Variants in SUMF1 observed in about 807,000 individuals in gnomAD.
SUMF1 encodes formylglycine-generating enzyme.
In SUMF1, 48 loss-of-function variants were observed where a neutral mutation model predicts 47.6. The ratio of observed to expected loss-of-function variants is 1.01; its 90% CI spans 0.80 to 1.28. The LOEUF is 1.28. Among genes scored for constraint, SUMF1 ranks in the 50% most tolerant of loss-of-function variants. The probability of loss-of-function intolerance (pLI) is 0.00; values close to 1 mark genes in which losing one functional copy is unlikely to be tolerated. For synonymous variants in SUMF1, 230 were observed against 192.1 expected (o/e 1.20, Z -1.63); for missense variants, 571 against 485.4 (o/e 1.18, Z -1.66).
chr3:4,327,974 G>T (rs890500884), intron 8 of SUMF1, among the ~76,000 whole-genome samples: 9 of 152,172 alleles, frequency 5.9e-5, no homozygotes, highest in Admixed American at 5.9e-4. Flanking sequence ...TCAACACTTT[G>T]GGAAGCCAAA....
chr3:4,235,764 T>C (rs1221854406), intron 8 of SUMF1, among the ~76,000 whole-genome samples: 4 of 152,008 alleles, frequency 2.6e-5, no homozygotes, highest in Non-Finnish European at 5.9e-5. Context: ...CTGATATTTT[T>C]TATGCATAAG....
downstream of SUMF1, among the ~76,000 whole-genome samples, chr3:4,359,196 T>C (rs575933762): frequency 3.9e-5 from 6 of 152,344 alleles, no homozygotes; most frequent in Middle Eastern, 6.8e-3. Context: ...GTAGTGACTA[T>C]AGCTATCCAT....
chr3:4,400,010 A>G (rs1000037108), intron 7 of SUMF1, among the ~76,000 whole-genome samples: 9 of 152,138 alleles, frequency 5.9e-5, no homozygotes, highest in Non-Finnish European at 8.8e-5. Context: ...AGATGCTGGG[A>G]TTACAGGCGT....
intron 8 of SUMF1, among the ~76,000 whole-genome samples, chr3:4,200,174 A>ATTT (rs35851983): frequency 5.6e-5 from 7 of 125,880 alleles, no homozygotes; most frequent in South Asian, 2.6e-4. Context: ...AAGCATCAAG[A>ATTT]TTTTTTTTTT....
At chr3:4,251,923 T>A (rs956095911) in intron 8 of SUMF1, among the ~76,000 whole-genome samples, 1 of 152,172 alleles carries the variant, frequency 6.6e-6, no homozygotes, top group South Asian at 2.1e-4. Flanking sequence ...ATTTCACACT[T>A]AACAGACCTA....
intron 8 of SUMF1, among the ~76,000 whole-genome samples, chr3:4,085,094 C>T (rs1692643680): frequency 6.6e-6 from 1 of 152,104 alleles, no homozygotes; most frequent in East Asian, 1.9e-4. Context: ...AGGGGTGGGC[C>T]AACCATTCAG....
chr3:4,135,783 G>C (rs1037322542), intron 8 of SUMF1, among the ~76,000 whole-genome samples: 2 of 152,094 alleles, frequency 1.3e-5, no homozygotes, highest in African/African-American at 4.8e-5. Context: ...AACATCTCAG[G>C]ATACAAAATC....
At chr3:4,373,919 T>A (rs1004660573) in intron 8 of SUMF1, among the ~76,000 whole-genome samples, 2 of 152,020 alleles carry the variant, frequency 1.3e-5, no homozygotes, top group Non-Finnish European at 1.5e-5. Flanking sequence ...TATGAACAGA[T>A]AGAAAAAGCA....
At chr3:4,126,356 C>T (rs1470023877) in intron 8 of SUMF1, among the ~76,000 whole-genome samples, 1 of 151,756 alleles carries the variant, frequency 6.6e-6, no homozygotes, top group Non-Finnish European at 1.5e-5. Flanking sequence ...TTAGCTTTTC[C>T]TCTTTCTTCT....
At chr3:4,076,787 C>G (rs1692446864) in intron 8 of SUMF1, among the ~76,000 whole-genome samples, 1 of 152,068 alleles carries the variant, frequency 6.6e-6, no homozygotes. Flanking sequence ...ATCAGGAGGT[C>G]AGGAGATCCA....
At chr3:4,285,543 T>C (rs1254642706) in intron 8 of SUMF1, among the ~76,000 whole-genome samples, 2 of 152,178 alleles carry the variant, frequency 1.3e-5, no homozygotes, top group African/African-American at 4.8e-5. Flanking sequence ...AAGATTAATC[T>C]CTCTACATGA....
chr3:4,320,339 T>C (rs1194967895), intron 8 of SUMF1, among the ~76,000 whole-genome samples: 1 of 152,212 alleles, frequency 6.6e-6, no homozygotes, highest in Non-Finnish European at 1.5e-5. Flanking sequence ...TCCTAGTTGA[T>C]ACAAGTTGTT....
chr3:4,316,089 G>A (rs1238911585), intron 8 of SUMF1: 2 of 505,056 alleles, frequency 4.0e-6, no homozygotes, highest in Admixed American at 3.3e-5. Context: ...TTGCATTGTT[G>A]GAATTTGGTA....
intron 8 of SUMF1, among the ~76,000 whole-genome samples, chr3:4,267,954 C>A (rs1257579501): frequency 6.7e-6 from 1 of 150,142 alleles, no homozygotes; most frequent in Middle Eastern, 3.4e-3. Context: ...TATTGTGGCA[C>A]TATTCACAAT....
chr3:4,372,517 A>G (rs1700200750), intron 8 of SUMF1, among the ~76,000 whole-genome samples: 1 of 152,128 alleles, frequency 6.6e-6, no homozygotes, highest in Admixed American at 6.5e-5. Flanking sequence ...TCAAAAGAGA[A>G]GAGGGGAAAT....
intron 8 of SUMF1, among the ~76,000 whole-genome samples, chr3:4,075,915 A>C (rs960437551): frequency 6.6e-6 from 1 of 152,188 alleles, no homozygotes; most frequent in African/African-American, 2.4e-5. Context: ...CATACTGCCT[A>C]AAGTAATTTA....
At chr3:4,380,519 CA>C (rs1700470723) in intron 7 of SUMF1, among the ~76,000 whole-genome samples, 2 of 152,120 alleles carry the variant, frequency 1.3e-5, no homozygotes, top group Non-Finnish European at 2.9e-5. Context: ...ACCAAACCCC[CA>C]CGGCCCACAA....
intron 8 of SUMF1, among the ~76,000 whole-genome samples, chr3:4,259,051 G>T (rs1697026478): frequency 6.7e-6 from 1 of 148,940 alleles, no homozygotes; most frequent in African/African-American, 2.5e-5. Context: ...CTCATAGGTG[G>T]GAATTGAACA....
intron 9 of SUMF1, among the ~76,000 whole-genome samples, chr3:4,051,142 G>A (rs1379917525): frequency 1.3e-5 from 2 of 151,652 alleles, no homozygotes; most frequent in African/African-American, 4.8e-5. Flanking sequence ...AAAAAAAAAG[G>A]GTGGGGAAAG....
Sources: allele counts gnomAD v4.1 joint callset (sites outside exome capture counted in the v4.1 genomes callset), GRCh38; gene constraint gnomAD v4.1.1; transcripts MANE v1.5; gene names NCBI Gene and HGNC (gene_info 2026-07-23, HGNC 2026-07-21).